The following SIPA1L1 variants were observed in gnomAD, a reference collection of about 807,000 sequenced individuals.
SIPA1L1 encodes the protein signal-induced proliferation-associated 1-like protein 1.
SIPA1L1 carries 26 observed loss-of-function variants against 162.7 expected under a neutral mutation model. The observed-to-expected ratio is 0.16, with a 90% confidence interval of 0.12 to 0.22. The LOEUF (loss-of-function observed/expected upper bound fraction) is 0.22. SIPA1L1 is among the 10% of genes least tolerant of loss of function. The probability of loss-of-function intolerance (pLI) is 1.00; values close to 1 mark genes in which losing one functional copy is unlikely to be tolerated. For missense variants in SIPA1L1, 1,874 were observed against 2,241.0 expected, an observed-to-expected ratio of 0.84 and a Z score of 3.31; for synonymous variants, 829 against 837.4, an observed-to-expected ratio of 0.99 and a Z score of 0.17.
rs2085650556 is a variant in SIPA1L1 at position 71,740,152 on chromosome 14, A to G, written c.*991A>G. On this transcript the variant is annotated 3_prime_UTR_variant, in exon 24 of 24. Transcript: ENST00000381232. ...TTTCTCTCCAGAGCAAGACTTCACC[A>G]GTATTTGTAACTAGGAGAAGCTAAC... 6.6e-6 allele frequency: 1 copy of G among 152,238 alleles called. No individual in the cohort carries two copies. The highest frequency in any genetic ancestry group is 2.4e-5 in the African/African-American group (1 of 41,472). The allele number at this position is 152,238 out of a possible 1,614,324, so 9.4% of individuals were successfully genotyped here. A position where few individuals can be genotyped will look rare whatever the true frequency, so the allele number is the denominator to read the frequency against.
At chr14:71,560,143 G>A (rs1383814837) in intron 4 of SIPA1L1, among the ~76,000 whole-genome samples, 3 of 152,026 alleles carry the variant, frequency 2.0e-5, no homozygotes, top group African/African-American at 7.2e-5. Flanking sequence ...TCTACTTTTA[G>A]TAAAAATTAA....
intron 12 of SIPA1L1, among the ~76,000 whole-genome samples, chr14:71,678,708 G>A (rs1360052642): frequency 6.6e-6 from 1 of 151,842 alleles, no homozygotes; most frequent in East Asian, 1.9e-4. Context: ...AGTTTCAGAA[G>A]GAATGGTACC....
intron 4 of SIPA1L1, among the ~76,000 whole-genome samples, chr14:71,543,957 A>ATGTG: frequency 6.7e-6 from 1 of 149,486 alleles, no homozygotes; most frequent in Admixed American, 6.7e-5. Flanking sequence ...ATATACGCAC[A>ATGTG]TGTATGTATA....
At chr14:71,409,317 G>A (rs140065864) in intron 2 of SIPA1L1, among the ~76,000 whole-genome samples, 1 of 152,242 alleles carries the variant, frequency 6.6e-6, no homozygotes, top group Admixed American at 6.5e-5. Flanking sequence ...GGTGTGGCTA[G>A]AGTAGAGTGG....
intron 13 of SIPA1L1, among the ~76,000 whole-genome samples, chr14:71,696,962 A>G (rs2081677539): frequency 6.6e-6 from 1 of 152,186 alleles, no homozygotes; most frequent in Non-Finnish European, 1.5e-5. Context: ...GAGTCTGAGA[A>G]CTGGGACACC....
At chr14:71,350,998 C>A (rs1487354634) in intron 2 of SIPA1L1, among the ~76,000 whole-genome samples, 1 of 152,130 alleles carries the variant, frequency 6.6e-6, no homozygotes, top group Non-Finnish European at 1.5e-5. Flanking sequence ...TGGGTTACAA[C>A]TTTGATCTGT....
chr14:71,460,167 T>C (rs995155499), intron 2 of SIPA1L1, among the ~76,000 whole-genome samples: 1 of 152,220 alleles, frequency 6.6e-6, no homozygotes, highest in Non-Finnish European at 1.5e-5. Context: ...TCATGACAAT[T>C]ACAGTCCTTG....
rs774460921 is a variant in SIPA1L1 at position 71,588,216 on chromosome 14, C to G, written c.344C>G (p.Pro115Arg). 1 of 1,614,158 alleles carries G rather than the reference C, an allele frequency of 6.2e-7. No individual in the cohort carries two copies. Residue 115 changes from proline to arginine, a missense_variant, in exon 5 of 24, where the codon CCT (proline) becomes CGT (arginine). Physicochemically the swap from Pro to Arg is moderately radical, Grantham distance 103. This residue lies in a region of SIPA1L1 where 685 missense variants were observed against 828.0 expected (regional missense o/e 0.83). Transcript: ENST00000381232. This position sits in a 1 kb window ranked among gnomAD's most constrained non-coding sequence, Gnocchi z 4.3. ...GATAGCCTGTCCTCCAAAAGCAGTC[C>G]TGTGAGTCAGGGAAGTTCTGTTAGC... ...CLDSLSSKSSPVSQGSSVSLN... is the reference protein window; with the variant it reads ...CLDSLSSKSSRVSQGSSVSLN...
chr14:71,392,567 G>A (rs1193875619), intron 2 of SIPA1L1, among the ~76,000 whole-genome samples: 3 of 151,794 alleles, frequency 2.0e-5, no homozygotes, highest in Admixed American at 6.6e-5. Flanking sequence ...TCGCTCTGTC[G>A]CCCAGGCTGG....
intron 2 of SIPA1L1, among the ~76,000 whole-genome samples, chr14:71,461,439 T>C (rs2046595717): frequency 6.6e-6 from 1 of 152,166 alleles, no homozygotes; most frequent in African/African-American, 2.4e-5. Flanking sequence ...GGCTGAGTAG[T>C]ATCCACAGAA....
intron 2 of SIPA1L1, among the ~76,000 whole-genome samples, chr14:71,352,341 C>T (rs1483355980): frequency 1.3e-5 from 2 of 152,054 alleles, no homozygotes; most frequent in Non-Finnish European, 2.9e-5. Context: ...AGTGAATACA[C>T]TTGTGTAATC....
intron 2 of SIPA1L1, chr14:71,330,385 C>T (rs1283325217): frequency 1.2e-5 from 12 of 1,019,536 alleles, no homozygotes; most frequent in East Asian, 7.1e-5. Flanking sequence ...GGGAAAGAAG[C>T]GGACATGCAT....
chr14:71,705,705 C>T (rs1439262683), intron 16 of SIPA1L1, among the ~76,000 whole-genome samples: 2 of 151,820 alleles, frequency 1.3e-5, no homozygotes, highest in Non-Finnish European at 2.9e-5. Context: ...GAGAGGGCTC[C>T]AGCAGGACTG....
intron 10 of SIPA1L1, among the ~76,000 whole-genome samples, chr14:71,668,695 T>C (rs1329800837): frequency 6.6e-6 from 1 of 152,220 alleles, no homozygotes; most frequent in Non-Finnish European, 1.5e-5. Context: ...TAGCTCTGTC[T>C]GTCTGTCATC....
chr14:71,571,101 ATT>A (rs951289116), intron 4 of SIPA1L1, among the ~76,000 whole-genome samples: 9 of 152,174 alleles, frequency 5.9e-5, no homozygotes, highest in Non-Finnish European at 1.3e-4. Context: ...GGCCAGAATG[ATT>A]TTTTTAAACG....
chr14:71,601,139 G>A (rs761517390), intron 5 of SIPA1L1, among the ~76,000 whole-genome samples: 7 of 151,998 alleles, frequency 4.6e-5, no homozygotes, highest in African/African-American at 1.2e-4. Flanking sequence ...TACTGTATTG[G>A]AGTGGTGAAA....
Position 71,558,429 on chromosome 14 carries a change from TACAG to T in SIPA1L1, c.-303+29064_-303+29067del. Reference sequence around the variant, plus strand: ...AGGTTTTTAGGAGACAGTAGGAAACTACAGACAGTGGAGAGCTCCATCATGTTTC... The same window carrying T: ...AGGTTTTTAGGAGACAGTAGGAAACTACAGTGGAGAGCTCCATCATGTTTC... On this transcript the variant is annotated intron_variant, in intron 4 of 23. Coordinates refer to ENST00000381232, the MANE Select transcript of SIPA1L1 (RefSeq NM_001386936.1). Among the ~76,000 whole-genome samples, 2 of 152,156 alleles carry T rather than the reference TACAG, an allele frequency of 1.3e-5. 1 individual carries two copies. The highest frequency in any genetic ancestry group is 4.8e-5 in the African/African-American group (2 of 41,446).
At chr14:71,646,334 G>A (rs989959135) in intron 7 of SIPA1L1, among the ~76,000 whole-genome samples, 63 of 152,074 alleles carry the variant, frequency 4.1e-4, no homozygotes, top group African/African-American at 1.3e-3. Context: ...CCGCCACCAC[G>A]CCCGGCTAAT....
intron 5 of SIPA1L1, among the ~76,000 whole-genome samples, chr14:71,615,019 A>G (rs963455984): frequency 6.6e-6 from 1 of 152,200 alleles, no homozygotes; most frequent in Non-Finnish European, 1.5e-5. Context: ...TTATGAATTC[A>G]TAACACTTTA....
Sources: allele counts gnomAD v4.1 joint callset (sites outside exome capture counted in the v4.1 genomes callset), GRCh38; gene constraint gnomAD v4.1.1; regional missense constraint gnomAD v4.1.1; non-coding constraint Gnocchi (gnomAD v3.1); transcripts MANE v1.5; gene names NCBI Gene and HGNC (gene_info 2026-07-23, HGNC 2026-07-21).